Variants in CCDC191 observed in about 807,000 individuals in gnomAD.
CCDC191 encodes coiled-coil domain containing 191.
In CCDC191, 99 loss-of-function variants were observed where a neutral mutation model predicts 114.0. That is an observed-to-expected ratio of 0.87 (90% CI 0.74 to 1.03). CCDC191 has a LOEUF of 1.03. Ranked by LOEUF, CCDC191 falls within the 50% of genes least tolerant of loss-of-function variation. The pLI is 0.00. For synonymous variants in CCDC191, 351 were observed against 376.0 expected (o/e 0.93, Z 0.77); for missense variants, 973 against 1,087.0 (o/e 0.90, Z 1.47).
intron 7 of CCDC191, among the ~76,000 whole-genome samples, chr3:114,019,678 G>T (rs1166935262): frequency 6.6e-6 from 1 of 152,012 alleles, no homozygotes; most frequent in African/African-American, 2.4e-5. Flanking sequence ...TATTACGTTG[G>T]TGCAAAAGTA....
intron 4 of CCDC191, among the ~76,000 whole-genome samples, chr3:114,041,682 C>T (rs1268785126): frequency 1.3e-5 from 2 of 152,148 alleles, no homozygotes; most frequent in East Asian, 3.8e-4. Flanking sequence ...GATCCTCAAG[C>T]TGGGGATTTT....
At chr3:113,971,211 A>G (rs1940791572) in intron 16 of CCDC191, among the ~76,000 whole-genome samples, 1 of 152,142 alleles carries the variant, frequency 6.6e-6, no homozygotes, top group African/African-American at 2.4e-5. Flanking sequence ...ATTTCTCCAC[A>G]TCCTCTCCAG....
intron 3 of CCDC191, among the ~76,000 whole-genome samples, chr3:114,043,049 A>T (rs538384595): frequency 6.6e-6 from 1 of 152,230 alleles, no homozygotes; most frequent in African/African-American, 2.4e-5. Context: ...AAGAGAGACA[A>T]TAAGTAAATA....
At chr3:114,031,803 C>T (rs2076409102) in intron 6 of CCDC191, 24 bp from the exon 7 acceptor site, 2 of 1,017,814 alleles carry the variant, frequency 2.0e-6, no homozygotes, top group Middle Eastern at 2.8e-4. Flanking sequence ...TTTAAAAATA[C>T]ATGTATATTT....
At chr3:113,979,632 T>G (rs1307044588) in intron 14 of CCDC191, among the ~76,000 whole-genome samples, 2 of 152,232 alleles carry the variant, frequency 1.3e-5, no homozygotes, top group East Asian at 3.8e-4. Context: ...GGAAAAGCCT[T>G]CTCTCTTAGT....
chr3:113,999,771 T>C (rs745427879), intron 13 of CCDC191, among the ~76,000 whole-genome samples: 3 of 152,236 alleles, frequency 2.0e-5, no homozygotes, highest in Non-Finnish European at 4.4e-5. Flanking sequence ...TTTGTGCATT[T>C]TCTTTCCTCT....
At chr3:114,011,998 G>A (rs2076078255) in intron 8 of CCDC191, among the ~76,000 whole-genome samples, 2 of 152,112 alleles carry the variant, frequency 1.3e-5, no homozygotes, top group Admixed American at 6.5e-5. Flanking sequence ...ATTGTATCTT[G>A]GAAAGGTGAC....
intron 7 of CCDC191, among the ~76,000 whole-genome samples, chr3:114,020,028 A>G (rs2076221180): frequency 1.3e-5 from 2 of 152,164 alleles, no homozygotes; most frequent in South Asian, 4.1e-4. Context: ...GAGTGTGGGG[A>G]GCATTAAAAC....
At chr3:114,010,628 T>G in intron 9 of CCDC191, 144 bp downstream of exon 9, 2 of 700,294 alleles carry the variant, frequency 2.9e-6, no homozygotes, top group Non-Finnish European at 4.7e-6. Context: ...TTCAAGGAAA[T>G]AAACACTGCC....
chr3:114,040,187 G>A (rs1213194757), intron 4 of CCDC191, among the ~76,000 whole-genome samples: 1 of 152,170 alleles, frequency 6.6e-6, no homozygotes. Flanking sequence ...ATGCAGTACA[G>A]GTTTGTGGCC....
At chr3:113,978,452 C>T in intron 15 of CCDC191, 121 bp from the exon 16 acceptor site, 2 of 1,008,082 alleles carry the variant, frequency 2.0e-6, no homozygotes, top group Non-Finnish European at 1.4e-6. Flanking sequence ...TAGAGACATA[C>T]AAAGAAAAGG....
intron 11 of CCDC191, 139 bp from the exon 12 acceptor site, chr3:114,002,677 A>C: frequency 7.8e-7 from 1 of 1,276,324 alleles, no homozygotes; most frequent in South Asian, 1.8e-5. Context: ...TCACAATCTC[A>C]GAAAATATAT....
chr3:114,014,046 A>G lies in CCDC191; in HGVS notation c.1164-3025T>C, dbSNP rs532801986. 8.5e-5 allele frequency among the ~76,000 whole-genome samples: 13 copies of G among 152,352 alleles called. No individual in the cohort carries two copies. The South Asian group carries it at 2.5e-3, about 29-fold the overall frequency. ...CCCACTGTCTTAGGACAAGACTACT[A>G]GATATCTGCAAAGTGTCTTGAACGT... On this transcript the variant is annotated intron_variant, in intron 8 of 16. Coordinates refer to ENST00000295878, the MANE Select transcript of CCDC191 (RefSeq NM_020817.2).
chr3:114,053,652 T>C lies in CCDC191; in HGVS notation c.91-17A>G. The C allele has an allele frequency of 6.4e-7, 1 of 1,557,800 alleles. No individual in the cohort carries two copies. Among genetic ancestry groups the C allele is most frequent in the Non-Finnish European group, 8.8e-7 (1 of 1,133,930 alleles). Reference sequence around the variant, plus strand: ...AAAAGTAGGCTGTAGATAACATATATATGATATCAATACGCAGCAATATCT... The same window carrying C: ...AAAAGTAGGCTGTAGATAACATATACATGATATCAATACGCAGCAATATCT... On this transcript the variant is annotated splice_polypyrimidine_tract_variant and intron_variant, in intron 1 of 16. Transcript: ENST00000295878.
chr3:114,050,671 C>T (rs545244196), intron 2 of CCDC191, among the ~76,000 whole-genome samples: 7 of 152,108 alleles, frequency 4.6e-5, no homozygotes, highest in South Asian at 4.2e-4. Context: ...ACTGGCTTGA[C>T]GGGAGTCATG....
chr3:114,002,936 G>C lies in CCDC191; in HGVS notation c.1979-398C>G, dbSNP rs533850363. The C allele has an allele frequency of 7.1e-6, 7 of 982,752 alleles. No homozygotes were observed. The African/African-American group carries it at 1.2e-4, about 17-fold the overall frequency. The allele number at this position is 982,752 out of a possible 1,614,324, so 60.9% of individuals were successfully genotyped here. A position where few individuals can be genotyped will look rare whatever the true frequency, so the allele number is the denominator to read the frequency against. On this transcript the variant is annotated intron_variant, in intron 11 of 16. Transcript: ENST00000295878. Reference sequence around the variant, plus strand: ...TAACAAGTACTTTGAGAGTAGAATCGTTCCTCAAATCCTATTGAATCTGCT... The same window carrying C: ...TAACAAGTACTTTGAGAGTAGAATCCTTCCTCAAATCCTATTGAATCTGCT...
chr3:114,004,515 T>C, intron 11 of CCDC191, 122 bp downstream of exon 11: 8 of 1,475,610 alleles, frequency 5.4e-6, no homozygotes, highest in Non-Finnish European at 7.2e-6. Flanking sequence ...TCTGAGATTT[T>C]TGATGTCAGG....
At chr3:114,026,789 G>T (rs992776671) in intron 7 of CCDC191, among the ~76,000 whole-genome samples, 19 of 152,142 alleles carry the variant, frequency 1.2e-4, no homozygotes, top group African/African-American at 4.1e-4. Flanking sequence ...CTTTAATGAT[G>T]ATTTCTTTGG....
intron 16 of CCDC191, among the ~76,000 whole-genome samples, chr3:113,965,853 C>A (rs923389953): frequency 6.6e-6 from 1 of 152,122 alleles, no homozygotes; most frequent in African/African-American, 2.4e-5. Context: ...CCTTGGCCTC[C>A]CAAAGTGCTG....
Sources: gnomAD v4.1 joint callset for allele counts (sites outside exome capture counted in the v4.1 genomes callset) on GRCh38, gnomAD v4.1.1 for gene constraint, MANE v1.5 for transcripts, NCBI Gene and HGNC (gene_info 2026-07-23, HGNC 2026-07-21) for gene names.